The following CDH23 variants were observed in gnomAD, a reference collection of about 807,000 sequenced individuals.
The protein encoded by CDH23 is cadherin-23.
Under a neutral mutation model 317.1 loss-of-function variants are expected in CDH23, and 189 were observed. That is an observed-to-expected ratio of 0.60 (90% confidence interval 0.53 to 0.67). The LOEUF (loss-of-function observed/expected upper bound fraction) is 0.67. Among genes scored for constraint, CDH23 ranks in the 30% least tolerant of loss-of-function variants. The pLI is 0.00. For missense variants in CDH23, 4,401 were observed against 4,592.4 expected (o/e 0.96, Z 1.20); for synonymous variants, 1,839 against 1,876.8 (o/e 0.98, Z 0.52).
chr10:71,498,363 C>T (rs1372326737), intron 3 of CDH23, among the ~76,000 whole-genome samples: 1 of 152,188 alleles, frequency 6.6e-6, no homozygotes, highest in East Asian at 1.9e-4. Flanking sequence ...CTGAGGGTCA[C>T]ATTCGGGCCA....
chr10:71,457,421 G>A (rs758939148), intron 3 of CDH23, among the ~76,000 whole-genome samples: 6 of 152,208 alleles, frequency 3.9e-5, no homozygotes, highest in Non-Finnish European at 8.8e-5. Context: ...CCAGTAAGCA[G>A]TAGAGTCAGG....
Position 71,725,292 on chromosome 10 carries a change from G to T in CDH23, c.3431-80G>T, listed in dbSNP as rs1453087604. ...ACAAGGAGGGGACTGGTGAACTTCT[G>T]CCCCCAACCATGGCAGGCCAGCACA... On this transcript the variant is annotated intron_variant, in intron 29 of 69. Transcript: ENST00000224721. The T allele has an allele frequency of 4.4e-6, 7 of 1,601,480 alleles. No homozygotes were observed. The African/African-American group carries it at 9.4e-5, about 21-fold the overall frequency.
intron 38 of CDH23, among the ~76,000 whole-genome samples, chr10:71,757,839 G>T (rs558511717): frequency 6.6e-6 from 1 of 152,194 alleles, no homozygotes; most frequent in Non-Finnish European, 1.5e-5. Flanking sequence ...TGCTGCGCTG[G>T]GGGGTGGGAA....
At position 71,793,439 on chromosome 10, in the gene CDH23, C is replaced by A; in HGVS notation, c.6511C>A (p.Arg2171Ser). ...TCTGATCGATGACATCAATGACTCC[C>A]GCCCCGAGTTCCTCAACCCCATCCA... The part of the protein sequence containing the change: ...TILIDDINDS[R>S]PEFLNPIQTV... Residue 2171 changes from arginine (R) to serine (S), a missense_variant, in exon 48 of 70, where the codon CGC becomes AGC. Physicochemically the swap from Arg to Ser is moderately radical, Grantham distance 110. Transcript: ENST00000224721. The A allele has an allele frequency of 6.2e-7, 1 of 1,614,006 alleles. No homozygotes were observed. The highest frequency in any genetic ancestry group is 8.5e-7 in the Non-Finnish European group (1 of 1,179,902).
chr10:71,754,591 G>A (rs1840085945), intron 38 of CDH23, among the ~76,000 whole-genome samples: 1 of 152,168 alleles, frequency 6.6e-6, no homozygotes, highest in Non-Finnish European at 1.5e-5. Flanking sequence ...CAGGGTGGGA[G>A]GTGAAAGATG....
At chr10:71,615,709 GT>G in intron 10 of CDH23, 93 bp downstream of exon 10, 1 of 867,144 alleles carries the variant, frequency 1.2e-6, no homozygotes, top group South Asian at 1.5e-5. Context: ...CCTGCCCCCG[GT>G]GGTGGCGCCG....
In CDH23 at chr10:71,799,135, T is replaced by C; in HGVS notation, c.7079T>C (p.Val2360Ala). The C allele has an allele frequency of 6.2e-7, 1 of 1,613,868 alleles. No individual in the cohort carries two copies. Among genetic ancestry groups the C allele is most frequent in the Middle Eastern group, 1.6e-4 (1 of 6,062 alleles). ...SAGKVIANRT[V>A]DYEEVHWLNF... ...GGGAAGGTCATTGCCAACCGGACAG[T>C]GGACTACGAGGAGGTGCACTGGCTC... is the stretch of plus-strand genomic sequence containing the variant. The change falls in exon 51 of 70, where the codon GTG (valine) becomes GCG (alanine). Residue 2360 changes from valine to alanine, a missense_variant. This residue lies in a region of CDH23 where 189 missense variants were observed against 250.9 expected (regional missense o/e 0.75). Coordinates refer to ENST00000224721, the MANE Select transcript of CDH23 (RefSeq NM_022124.6).
chr10:71,576,912 T>G (rs1858246864), intron 8 of CDH23, among the ~76,000 whole-genome samples: 1 of 152,230 alleles, frequency 6.6e-6, no homozygotes, highest in Non-Finnish European at 1.5e-5. Context: ...AATGTGCCAG[T>G]TGTATGCCAG....
chr10:71,568,345 C>T (rs374788313), intron 7 of CDH23, among the ~76,000 whole-genome samples: 10 of 152,318 alleles, frequency 6.6e-5, no homozygotes, highest in South Asian at 4.1e-4. Context: ...GCCCCTCCAC[C>T]GCACTGTTTG....
At chr10:71,788,820 T>C in intron 44 of CDH23, 120 bp from the exon 45 acceptor site, 1 of 652,978 alleles carries the variant, frequency 1.5e-6, no homozygotes, top group South Asian at 1.7e-5. Flanking sequence ...CATGTTGGTG[T>C]GGGCTTTTCT....
At chr10:71,624,319 G>C (rs1243773311) in intron 11 of CDH23, among the ~76,000 whole-genome samples, 1 of 152,234 alleles carries the variant, frequency 6.6e-6, no homozygotes, top group Non-Finnish European at 1.5e-5. Context: ...GGAAGGACGA[G>C]AGAGGCAGCT....
At chr10:71,620,820 G>A (rs1482730331) in intron 11 of CDH23, among the ~76,000 whole-genome samples, 1 of 152,218 alleles carries the variant, frequency 6.6e-6, no homozygotes, top group Admixed American at 6.5e-5. Flanking sequence ...CAGATGGGGC[G>A]GCCCCCAAAC....
At chr10:71,430,560 G>A (rs1331099834) in intron 1 of CDH23, among the ~76,000 whole-genome samples, 1 of 152,190 alleles carries the variant, frequency 6.6e-6, no homozygotes, top group Non-Finnish European at 1.5e-5. Flanking sequence ...TGTAATCCCA[G>A]CACTTTGGGA....
At chr10:71,405,887 C>A (rs1254492656) in intron 1 of CDH23, among the ~76,000 whole-genome samples, 1 of 152,186 alleles carries the variant, frequency 6.6e-6, no homozygotes, top group Admixed American at 6.5e-5. Context: ...TGTGTCCCAA[C>A]CTCCGTCTAG....
At chr10:71,585,562 T>A (rs1380896633) in intron 9 of CDH23, among the ~76,000 whole-genome samples, 1 of 152,224 alleles carries the variant, frequency 6.6e-6, no homozygotes, top group Non-Finnish European at 1.5e-5. Context: ...AGAGGGTTTT[T>A]AATTTAATTA....
At chr10:71,539,426 G>A (rs1292178973) in intron 6 of CDH23, among the ~76,000 whole-genome samples, 2 of 152,080 alleles carry the variant, frequency 1.3e-5, no homozygotes, top group Admixed American at 1.3e-4. Flanking sequence ...GGCCAGGGGA[G>A]GACCACTTGC....
Position 71,809,460 on chromosome 10 carries a change from G to A in CDH23, c.8723-360G>A, listed in dbSNP as rs969402780. 7.2e-5 allele frequency among the ~76,000 whole-genome samples: 11 copies of A among 152,102 alleles called. 1 individual carries two copies. Among genetic ancestry groups the A allele is most frequent in the African/African-American group, 2.7e-4 (11 of 41,416 alleles). ...TCCCAAAGTGTTGAGATTCAGGCGTGAGCCACCACACCCGGGCTTATTTGT... is the reference window on the plus strand; with the variant it reads ...TCCCAAAGTGTTGAGATTCAGGCGTAAGCCACCACACCCGGGCTTATTTGT... On this transcript the variant is annotated intron_variant, in intron 60 of 69. Transcript: ENST00000224721.
intron 3 of CDH23, among the ~76,000 whole-genome samples, chr10:71,479,357 G>A (rs1851953600): frequency 6.6e-6 from 1 of 152,184 alleles, no homozygotes; most frequent in South Asian, 2.1e-4. Context: ...CCGCAGTGTG[G>A]ACACCTTCAG....
At chr10:71,593,240 G>C (rs1033501119) in intron 9 of CDH23, among the ~76,000 whole-genome samples, 4 of 152,156 alleles carry the variant, frequency 2.6e-5, no homozygotes, top group Admixed American at 6.5e-5. Context: ...AGGATGACTT[G>C]TTTAGTAGCT....
Sources: gnomAD v4.1 joint callset for allele counts (sites outside exome capture counted in the v4.1 genomes callset) on GRCh38, gnomAD v4.1.1 for gene constraint, gnomAD v4.1.1 regional missense constraint, MANE v1.5 for transcripts, NCBI Gene and HGNC (gene_info 2026-07-23, HGNC 2026-07-21) for gene names.